PIK3CB: variants seen among roughly 807,000 people sequenced by gnomAD.
PIK3CB encodes phosphatidylinositol 4,5-bisphosphate 3-kinase catalytic subunit beta isoform.
In PIK3CB, 39 loss-of-function variants were observed where a neutral mutation model predicts 136.8. That is an observed-to-expected ratio of 0.29 (90% confidence interval 0.22 to 0.37). The LOEUF is 0.37. Ranked by LOEUF, PIK3CB falls within the 10% of genes least tolerant of loss-of-function variation. The pLI, the probability that PIK3CB is intolerant of heterozygous loss-of-function variation, is 1.00. For missense variants in PIK3CB, 868 were observed against 1,275.4 expected (o/e 0.68, Z 4.87); for synonymous variants, 428 against 436.6 (o/e 0.98, Z 0.25).
intron 10 of PIK3CB, among the ~76,000 whole-genome samples, chr3:138,709,503 A>C (rs1387263821): frequency 2.0e-4 from 30 of 152,174 alleles, no homozygotes; most frequent in Admixed American, 1.9e-3. Context: ...AAAATTATGG[A>C]AAGTTAGGAA....
rs1312893752 is a variant in PIK3CB at position 138,705,155 on chromosome 3, C to CAAAAA, written c.1531-667_1531-663dup. Among the ~76,000 whole-genome samples, 77 of 29,848 alleles carry CAAAAA rather than the reference C, an allele frequency of 2.6e-3. 8 individuals carry two copies. The highest frequency in any genetic ancestry group is 8.6e-3 in the East Asian group (2 of 232). 19.6% of individuals were successfully genotyped at this position (29,848 alleles called of 152,430 possible). ...AAGACTCTCCAAGAGATTAGAAAGGCAAAAAAAAAAAAAAAAAACAAAAAA... is the reference window on the plus strand; with the variant it reads ...AAGACTCTCCAAGAGATTAGAAAGGCAAAAAAAAAAAAAAAAAAAAAAACAAAAAA... On this transcript the variant is annotated intron_variant, in intron 11 of 23. Transcript: ENST00000674063.
intron 19 of PIK3CB, among the ~76,000 whole-genome samples, chr3:138,673,000 A>C (rs917655817): frequency 1.3e-5 from 2 of 152,064 alleles, no homozygotes; most frequent in Non-Finnish European, 2.9e-5. Context: ...CAGGAGAGTA[A>C]ACATTGTTGC....
At chr3:138,711,645 A>G (rs891364917) in intron 10 of PIK3CB, among the ~76,000 whole-genome samples, 1 of 151,828 alleles carries the variant, frequency 6.6e-6, no homozygotes, top group Non-Finnish European at 1.5e-5. Context: ...ATGGAGATGC[A>G]TAAGATTTAA....
At chr3:138,824,305 C>T (rs541683742) in intron 1 of PIK3CB, among the ~76,000 whole-genome samples, 2 of 152,236 alleles carry the variant, frequency 1.3e-5, no homozygotes, top group South Asian at 4.1e-4. Flanking sequence ...AGAAGACAAA[C>T]TACAGGACCA....
intron 8 of PIK3CB, among the ~76,000 whole-genome samples, chr3:138,721,770 A>G (rs968239440): frequency 6.6e-6 from 1 of 152,180 alleles, no homozygotes; most frequent in Non-Finnish European, 1.5e-5. Flanking sequence ...TCAATATTGT[A>G]TTTTATGTCT....
chr3:138,671,287 G>C (rs1372104096), intron 19 of PIK3CB, among the ~76,000 whole-genome samples: 2 of 152,134 alleles, frequency 1.3e-5, no homozygotes, highest in African/African-American at 4.8e-5. Context: ...AGCAAGGGTT[G>C]CAAGTTTTAA....
chr3:138,747,379 A>G (rs2045382646), intron 4 of PIK3CB, among the ~76,000 whole-genome samples: 1 of 151,974 alleles, frequency 6.6e-6, no homozygotes, highest in Non-Finnish European at 1.5e-5. Context: ...GCAATATGCA[A>G]TTTACTAGAC....
At chr3:138,705,289 C>T (rs1475336790) in intron 11 of PIK3CB, among the ~76,000 whole-genome samples, 1 of 149,298 alleles carries the variant, frequency 6.7e-6, no homozygotes, top group Non-Finnish European at 1.5e-5. Flanking sequence ...AACTGTTGAA[C>T]ACACATCATA....
chr3:138,793,713 G>A (rs1347636353), intron 2 of PIK3CB, among the ~76,000 whole-genome samples: 6 of 151,542 alleles, frequency 4.0e-5, no homozygotes, highest in African/African-American at 1.5e-4. Flanking sequence ...GGACCATAGT[G>A]TCATGAGATG....
Position 138,714,577 on chromosome 3 carries a change from G to A in PIK3CB, c.1193C>T (p.Ala398Val), listed in dbSNP as rs1219115228. Residue 398 changes from alanine (A) to valine (V), a missense_variant, in exon 9 of 24, where the codon GCT becomes GTT. Physicochemically the swap from Ala to Val is moderately conservative, Grantham distance 64. Transcript: ENST00000674063. ...TGCATAAACAGCAAAACATAATCGA[G>A]CCATTCTTGGTAAGTCACAAATATT... ...DINICDLPRM[A>V]RLCFAVYAVL... is the part of the protein sequence containing the mutation. 2.3e-5 allele frequency: 37 copies of A among 1,613,466 alleles called. No homozygotes were observed. Among genetic ancestry groups the A allele is most frequent in the Non-Finnish European group, 2.7e-5 (32 of 1,179,598 alleles).
At chr3:138,808,252 A>G (rs11705762) in intron 1 of PIK3CB, among the ~76,000 whole-genome samples, 77,558 of 151,940 alleles carry the variant, frequency 0.51, 22,330 homozygotes, top group African/African-American at 0.75. Flanking sequence ...TTAAAGGGGG[A>G]AAATATATTA....
chr3:138,677,767 T>A (rs187930249), intron 19 of PIK3CB, among the ~76,000 whole-genome samples: 2 of 152,178 alleles, frequency 1.3e-5, no homozygotes, highest in Admixed American at 1.3e-4. Context: ...TGGTGGCACA[T>A]TCCTATAATC....
intron 1 of PIK3CB, among the ~76,000 whole-genome samples, chr3:138,817,900 G>A (rs993368860): frequency 6.6e-6 from 1 of 152,106 alleles, no homozygotes; most frequent in Admixed American, 6.6e-5. Flanking sequence ...AGGCTGCAGT[G>A]AGCTATGACT....
chr3:138,815,368 A>AAAAAAAAAAAAAAAAAAAC (rs1553743726), intron 1 of PIK3CB, among the ~76,000 whole-genome samples: 5 of 105,910 alleles, frequency 4.7e-5, no homozygotes, highest in African/African-American at 7.2e-5. Context: ...AAAAAAAAAA[A>AAAAAAAAAAAAAAAAAAAC]AAAAAAACTA....
intron 8 of PIK3CB, among the ~76,000 whole-genome samples, chr3:138,732,020 G>C (rs2044987018): frequency 6.6e-6 from 1 of 151,606 alleles, no homozygotes. Flanking sequence ...GGATATAAAA[G>C]CAAAGCCTTT....
intron 2 of PIK3CB, among the ~76,000 whole-genome samples, chr3:138,793,922 A>C (rs2046081220): frequency 6.6e-6 from 1 of 152,034 alleles, no homozygotes; most frequent in Admixed American, 6.6e-5. Context: ...TGTGGTAAGG[A>C]GTTTAGACTC....
intron 8 of PIK3CB, among the ~76,000 whole-genome samples, chr3:138,717,654 C>A (rs1277186857): frequency 2.6e-5 from 4 of 152,094 alleles, no homozygotes; most frequent in African/African-American, 4.8e-5. Context: ...AAGCCTAGTA[C>A]CCAACAGTTA....
chr3:138,662,880 T>C (rs1440167131), intron 21 of PIK3CB, among the ~76,000 whole-genome samples: 1 of 152,232 alleles, frequency 6.6e-6, no homozygotes, highest in African/African-American at 2.4e-5. Flanking sequence ...GAGCATTTTT[T>C]CATGTGTCTG....
intron 2 of PIK3CB, among the ~76,000 whole-genome samples, chr3:138,762,518 T>C (rs2045676547): frequency 6.6e-6 from 1 of 152,228 alleles, no homozygotes; most frequent in African/African-American, 2.4e-5. Context: ...TCACTACACA[T>C]GTTATTAAGG....
Sources: gnomAD v4.1 joint callset for allele counts (sites outside exome capture counted in the v4.1 genomes callset) on GRCh38, gnomAD v4.1.1 for gene constraint, MANE v1.5 for transcripts, NCBI Gene and HGNC (gene_info 2026-07-23, HGNC 2026-07-21) for gene names.